The following BTBD19 variants were observed in gnomAD, a reference collection of about 807,000 sequenced individuals.
The protein encoded by BTBD19 is BTB/POZ domain-containing protein 19.
BTBD19 carries 20 observed loss-of-function variants against 36.1 expected under a neutral mutation model. The ratio of observed to expected loss-of-function variants is 0.55; its 90% CI spans 0.39 to 0.80. The LOEUF (loss-of-function observed/expected upper bound fraction) is 0.80, where lower values mean the gene tolerates loss of function less well. BTBD19 is among the 30% of genes least tolerant of loss of function. The pLI, the probability that BTBD19 is intolerant of heterozygous loss-of-function variation, is 0.00. For missense variants in BTBD19, 325 were observed against 389.8 expected (o/e 0.83, Z 1.40); for synonymous variants, 157 against 174.3 (o/e 0.90, Z 0.78).
rs1381312505 is a variant in BTBD19 at position 44,810,820 on chromosome 1, G to A, written c.354+213G>A. On this transcript the variant is annotated intron_variant, in intron 3 of 7. Transcript: ENST00000450269. This position sits in a 1 kb window ranked among gnomAD's most constrained non-coding sequence, Gnocchi z 4.2. ...CCTGTGTGTGCTGTGGGAAGAGGGG[G>A]TGATTATGGCTGGTGCTGTAGATAC... 2.6e-6 allele frequency: 1 copy of A among 381,576 alleles called. No individual in the cohort carries two copies. Among genetic ancestry groups the A allele is most frequent in the Admixed American group, 3.9e-5 (1 of 25,918 alleles). The allele number at this position is 381,576 out of a possible 1,614,324, so 23.6% of individuals were successfully genotyped here.
At chr1:44,812,722 A>G (rs904800870) in intron 4 of BTBD19, among the ~76,000 whole-genome samples, 1 of 151,668 alleles carries the variant, frequency 6.6e-6, no homozygotes, top group Non-Finnish European at 1.5e-5. Context: ...CCTAGGTCCC[A>G]GGTGGGGTTT....
exon 8 of BTBD19, chr1:44,814,012 C>T: frequency 1.6e-6 from 1 of 616,006 alleles, no homozygotes; most frequent in Non-Finnish European, 2.8e-6. Context: ...GGGTGAAACT[C>T]GAAAACGAGG....
At chr1:44,812,178 T>A in intron 4 of BTBD19, 80 bp downstream of exon 4, 1 of 1,069,266 alleles carries the variant, frequency 9.4e-7, no homozygotes, top group Non-Finnish European at 1.3e-6. Flanking sequence ...AGCCTGGGCC[T>A]GCTGTGTCTG....
At chr1:44,812,692 C>T (rs4399197) in intron 4 of BTBD19, among the ~76,000 whole-genome samples, 6,744 of 152,056 alleles carry the variant, frequency 0.044, 219 homozygotes, top group East Asian at 0.12. Context: ...GAGTGAGACT[C>T]TGCCTCAAAA....
In BTBD19 at chr1:44,812,979, C is replaced by T; in HGVS notation, c.415-17C>T. On this transcript the variant is annotated splice_polypyrimidine_tract_variant and intron_variant, in intron 4 of 7. Coordinates refer to ENST00000450269, the Ensembl canonical transcript of BTBD19. Reference sequence around the variant, plus strand: ...CCTCTCCAGTCTCCAACCTGATCTCCCTCATTCTGCTCGCAGGTGGCCGTA... The same window carrying T: ...CCTCTCCAGTCTCCAACCTGATCTCTCTCATTCTGCTCGCAGGTGGCCGTA... The T allele has an allele frequency of 7.8e-6, 12 of 1,546,098 alleles. No individual in the cohort carries two copies. Among genetic ancestry groups the T allele is most frequent in the Non-Finnish European group, 1.0e-5 (12 of 1,143,336 alleles).
chr1:44,812,786 C>T (rs922277602), intron 4 of BTBD19, among the ~76,000 whole-genome samples: 1 of 134,976 alleles, frequency 7.4e-6, no homozygotes, highest in African/African-American at 2.7e-5. Context: ...AGTGAGTCCA[C>T]GTGTGTGTGT....
chr1:44,813,142 C>T lies in BTBD19; in HGVS notation c.488C>T (p.Ala163Val), dbSNP rs1307582471. ...GACCCATTTGCCGGCTCGCAGGAGG[C>T]CCTCCGGACCCGAGGCTTCCTGGAG... is the stretch of plus-strand genomic sequence containing the variant. Residue 163 changes from alanine to valine, a missense_variant, in exon 6 of 8, where the codon GCC becomes GTC. Ala to Val is a moderately conservative substitution (Grantham distance 64). Transcript: ENST00000450269. The surrounding 1 kb of genome is among the most constrained non-coding windows in gnomAD (Gnocchi z 7.8). The T allele has an allele frequency of 1.3e-6, 2 of 1,546,688 alleles. No individual in the cohort carries two copies. The highest frequency in any genetic ancestry group is 1.7e-6 in the Non-Finnish European group (2 of 1,143,638).
At position 44,810,617 on chromosome 1, in the gene BTBD19, T is replaced by C; in HGVS notation, c.354+10T>C. The C allele has an allele frequency of 6.5e-7, 1 of 1,538,208 alleles. No homozygotes were observed. Among genetic ancestry groups the C allele is most frequent in the Middle Eastern group, 1.7e-4 (1 of 5,810 alleles). On this transcript the variant is annotated intron_variant, in intron 3 of 7. Transcript: ENST00000450269. The surrounding 1 kb of genome is among the most constrained non-coding windows in gnomAD (Gnocchi z 4.2). ...GGAGGAACTGAGAGAGGTGGGTTTT[T>C]GTGCCAGGTCCCTGTCTCATTTCCC... is the stretch of plus-strand genomic sequence containing the variant.
rs2148862535 is a variant in BTBD19 at position 44,810,218 on chromosome 1, T to C, written c.92T>C (p.Val31Ala). The stretch of plus-strand genomic sequence containing the variant: ...TCTCTGCCTGTCTCCCACAGTGATG[T>C]TTGCTTCGTGGTTGGTCAAGAACGG... The change falls in exon 2 of 8, where the codon GTT becomes GCT. Residue 31 changes from valine (V) to alanine (A), a missense_variant. By Grantham distance (64) the Val-to-Ala change is moderately conservative. Coordinates refer to ENST00000450269, the Ensembl canonical transcript of BTBD19. This position sits in a 1 kb window ranked among gnomAD's most constrained non-coding sequence, Gnocchi z 4.2. 1 of 1,551,460 alleles carries C rather than the reference T, an allele frequency of 6.4e-7. No individual in the cohort carries two copies. The highest frequency in any genetic ancestry group is 1.7e-4 in the Middle Eastern group (1 of 5,994).
In BTBD19 at chr1:44,813,273, A is replaced by G. The variant is rs1573628054; in HGVS notation, c.615+4A>G. The G allele has an allele frequency of 1.3e-6, 2 of 1,535,832 alleles. No individual in the cohort carries two copies. Among genetic ancestry groups the G allele is most frequent in the East Asian group, 4.9e-5 (2 of 40,738 alleles). On this transcript the variant is annotated splice_donor_region_variant and intron_variant, in intron 6 of 7. Coordinates refer to ENST00000450269, the Ensembl canonical transcript of BTBD19. This position sits in a 1 kb window ranked among gnomAD's most constrained non-coding sequence, Gnocchi z 7.8. The stretch of plus-strand genomic sequence containing the variant: ...AAGCTGGGCGCGCGTGGGCGCGGTG[A>G]GTGGGGCTGGGGGAGCGCAAGGGCA...
At chr1:44,812,287 A>G (rs1253475081) in intron 4 of BTBD19, among the ~76,000 whole-genome samples, 189 bp downstream of exon 4, 2 of 152,080 alleles carry the variant, frequency 1.3e-5, no homozygotes, top group Non-Finnish European at 2.9e-5. Context: ...TGGGTGTATC[A>G]GCAGGGTCAG....
Position 44,813,480 on chromosome 1 carries a change from G to T in BTBD19, c.722G>T (p.Arg241Leu). 2 of 1,551,022 alleles carry T rather than the reference G, an allele frequency of 1.3e-6. No individual in the cohort carries two copies. Among genetic ancestry groups the T allele is most frequent in the Non-Finnish European group, 1.7e-6 (2 of 1,146,696 alleles). ...CTGAGCGCCCTGGAAGAGCAGAACCGGCAGGAACCACTCATCCCGGTGGGG... is the reference window on the plus strand; with the variant it reads ...CTGAGCGCCCTGGAAGAGCAGAACCTGCAGGAACCACTCATCCCGGTGGGG... The change falls in exon 7 of 8, where the codon CGG (arginine) becomes CTG (leucine). Residue 241 changes from arginine (R) to leucine (L), a missense_variant. Arg to Leu is a moderately radical substitution (Grantham distance 102). Coordinates refer to ENST00000450269, the Ensembl canonical transcript of BTBD19. The surrounding 1 kb of genome is among the most constrained non-coding windows in gnomAD (Gnocchi z 7.8).
rs1652373785 is a variant in BTBD19 at position 44,810,757 on chromosome 1, A to G, written c.354+150A>G. 3.1e-6 allele frequency: 2 copies of G among 651,756 alleles called. No homozygotes were observed. The highest frequency in any genetic ancestry group is 3.7e-5 in the South Asian group (2 of 53,688). The allele number at this position is 651,756 out of a possible 1,614,324, so 40.4% of individuals were successfully genotyped here. ...TCTCTCCCAAGTAAGTAGGGCATGT[A>G]TGTGTGCCTGTGTGCAAAAGGATCC... On this transcript the variant is annotated intron_variant, in intron 3 of 7. Transcript: ENST00000450269. The surrounding 1 kb of genome is among the most constrained non-coding windows in gnomAD (Gnocchi z 4.2).
In BTBD19 at chr1:44,813,826, A is replaced by C; in HGVS notation, c.*54A>C. Reference sequence around the variant, plus strand: ...CGACCCGCCCAGCTGAGCCTGCCCCAAACTACAGCTCCCGAAGTGCTCGGC... The same window carrying C: ...CGACCCGCCCAGCTGAGCCTGCCCCCAACTACAGCTCCCGAAGTGCTCGGC... On this transcript the variant is annotated 3_prime_UTR_variant, in exon 8 of 8. Transcript: ENST00000450269. This position sits in a 1 kb window ranked among gnomAD's most constrained non-coding sequence, Gnocchi z 7.8. The C allele has an allele frequency of 6.5e-7, 1 of 1,548,426 alleles. No homozygotes were observed. Among genetic ancestry groups the C allele is most frequent in the Non-Finnish European group, 8.7e-7 (1 of 1,144,748 alleles).
At position 44,812,117 on chromosome 1, in the gene BTBD19, G is replaced by T; in HGVS notation, c.414+19G>T. 7.7e-7 allele frequency: 1 copy of T among 1,299,372 alleles called. No individual in the cohort carries two copies. The highest frequency in any genetic ancestry group is 1.0e-6 in the Non-Finnish European group (1 of 983,478). The allele number at this position is 1,299,372 out of a possible 1,614,324, so 80.5% of individuals were successfully genotyped here. On this transcript the variant is annotated intron_variant, in intron 4 of 7. Coordinates refer to ENST00000450269, the Ensembl canonical transcript of BTBD19. ...CCTGCAGGTGGGTGCTGCTGGACAG[G>T]CATGGTAGGAGTCTGGCTCTGTGTG... is the stretch of plus-strand genomic sequence containing the variant.
In BTBD19 at chr1:44,813,406, G is replaced by T; in HGVS notation, c.648G>T (p.Ala216=). 1 of 1,540,622 alleles carries T rather than the reference G, an allele frequency of 6.5e-7. No individual in the cohort carries two copies. Among genetic ancestry groups the T allele is most frequent in the Non-Finnish European group, 8.7e-7 (1 of 1,146,430 alleles). ...TGGAGCGGCCGGTGGCTGAGGTGGC[G>T]GCCCCGGTGGTGAAAGAGCTGAGAC... Residue 216 remains alanine, a synonymous_variant, in exon 7 of 8, where the codon GCG becomes GCT. Transcript: ENST00000450269. This position sits in a 1 kb window ranked among gnomAD's most constrained non-coding sequence, Gnocchi z 7.8.
At chr1:44,812,136 C>G (rs931047150) in intron 4 of BTBD19, 38 bp downstream of exon 4, 57 of 1,280,760 alleles carry the variant, frequency 4.5e-5, no homozygotes, top group Non-Finnish European at 5.9e-5. Flanking sequence ...GAGTCTGGCT[C>G]TGTGTGTGGA....
At chr1:44,812,621 C>T (rs1023027300) in intron 4 of BTBD19, 2 of 395,466 alleles carry the variant, frequency 5.1e-6, no homozygotes, top group Non-Finnish European at 9.9e-6. Context: ...CGCTTGAACC[C>T]GGGAGGCAGA....
chr1:44,813,048 T>C lies in BTBD19; in HGVS notation c.467T>C (p.Ile156Thr), dbSNP rs1330517327. ...CTGCAGGAGCGCTGCGTGGCTTTCA[T>C]AGAGGCCCACAGCCAGGTACTGCTC... Residue 156 changes from isoleucine to threonine, a missense_variant, in exon 5 of 8, where the codon ATA becomes ACA. Ile to Thr is a moderately conservative substitution (Grantham distance 89). Transcript: ENST00000450269. The surrounding 1 kb of genome is among the most constrained non-coding windows in gnomAD (Gnocchi z 7.8). The C allele has an allele frequency of 3.9e-6, 6 of 1,551,476 alleles. No individual in the cohort carries two copies. Among genetic ancestry groups the C allele is most frequent in the South Asian group, 2.4e-5 (2 of 83,994 alleles).
Sources: gnomAD v4.1 joint callset for allele counts (sites outside exome capture counted in the v4.1 genomes callset) on GRCh38, gnomAD v4.1.1 for gene constraint, Gnocchi (gnomAD v3.1) non-coding constraint, MANE v1.5 for transcripts, NCBI Gene and HGNC (gene_info 2026-07-23, HGNC 2026-07-21) for gene names.